CSMD3: variants seen among roughly 807,000 people sequenced by gnomAD.
The protein encoded by CSMD3 is CUB and sushi domain-containing protein 3.
In CSMD3, 177 loss-of-function variants were observed where a neutral mutation model predicts 435.2. The ratio of observed to expected loss-of-function variants is 0.41; its 90% CI spans 0.36 to 0.46. The LOEUF (loss-of-function observed/expected upper bound fraction) is 0.46. CSMD3 is among the 20% of genes least tolerant of loss of function. The pLI is 0.34. For synonymous variants in CSMD3, 1,656 were observed against 1,520.5 expected (o/e 1.09, Z -2.07); for missense variants, 4,265 against 4,504.6 (o/e 0.95, Z 1.52).
rs189646631 is a variant in CSMD3, at chr8:112,802,281, C to T, written c.1860-2007G>A. Among the ~76,000 whole-genome samples, 495 of 151,782 alleles carry T rather than the reference C, an allele frequency of 3.3e-3. 2 individuals carry two copies. The highest frequency in any genetic ancestry group is 0.014 in the Middle Eastern group (4 of 294). ...ATGAGACTTTTGCCAGTTTTTCATT[C>T]CTGGAATTTCTCTCTTGGTGGCCTT... On this transcript the variant is annotated intron_variant, in intron 12 of 70. Coordinates refer to ENST00000297405, the MANE Select transcript of CSMD3 (RefSeq NM_198123.2).
At chr8:112,939,619 C>T (rs2083389862) in intron 9 of CSMD3, among the ~76,000 whole-genome samples, 2 of 151,910 alleles carry the variant, frequency 1.3e-5, no homozygotes, top group Non-Finnish European at 1.5e-5. Flanking sequence ...GTAAAAAATA[C>T]TAATTCAATT....
At chr8:112,278,428 C>G (rs987454782) in intron 59 of CSMD3, among the ~76,000 whole-genome samples, 3 of 152,116 alleles carry the variant, frequency 2.0e-5, no homozygotes, top group African/African-American at 7.2e-5. Flanking sequence ...GTGGTCCTTC[C>G]CAAAGTGATT....
intron 6 of CSMD3, among the ~76,000 whole-genome samples, chr8:113,018,320 G>A (rs1211226232): frequency 6.6e-6 from 1 of 151,478 alleles, no homozygotes; most frequent in Non-Finnish European, 1.5e-5. Context: ...TTAAATTTTC[G>A]AAGTGCTTAG....
At chr8:112,671,058 G>A (rs564788710) in intron 16 of CSMD3, among the ~76,000 whole-genome samples, 10 of 152,248 alleles carry the variant, frequency 6.6e-5, no homozygotes, top group African/African-American at 2.4e-4. Context: ...TCACCTAAGT[G>A]TGTGAACTGG....
intron 1 of CSMD3, among the ~76,000 whole-genome samples, chr8:113,322,498 T>A (rs2093955849): frequency 6.6e-6 from 1 of 152,050 alleles, no homozygotes; most frequent in Admixed American, 6.5e-5. Context: ...GATGTTCTGT[T>A]CCATTAGTTT....
rs140771974 is a variant in CSMD3 at position 112,491,715 on chromosome 8, A to C, written c.5278+774T>G. On this transcript the variant is annotated intron_variant, in intron 31 of 70. Transcript: ENST00000297405. ...TATACTTTTTTCCTATTATTTTATT[A>C]ACTTTTAATTTAATTTTATTTGATT... is the stretch of plus-strand genomic sequence containing the variant. Among the ~76,000 whole-genome samples the C allele has an allele frequency of 9.5e-3, 1,446 of 152,248 alleles. 12 individuals carry two copies. The highest frequency in any genetic ancestry group is 0.015 in the Admixed American group (224 of 15,286).
rs117424113 is a variant in CSMD3, at chr8:113,102,227, A to T, written c.710-3264T>A. ...ATGTCTACAGCATTTTCTATCCAAC[A>T]ATTCACAGAAAGTGGGGGGTTCACA... On this transcript the variant is annotated intron_variant, in intron 4 of 70. Coordinates refer to ENST00000297405, the MANE Select transcript of CSMD3 (RefSeq NM_198123.2). Among the ~76,000 whole-genome samples, 1,512 of 152,246 alleles carry T rather than the reference A, an allele frequency of 9.9e-3. 19 individuals are homozygous for T. Among genetic ancestry groups the T allele is most frequent in the Non-Finnish European group, 0.015 (1,011 of 67,994 alleles).
At chr8:112,842,491 G>T (rs138685575) in intron 11 of CSMD3, among the ~76,000 whole-genome samples, 36 of 151,806 alleles carry the variant, frequency 2.4e-4, no homozygotes, top group Admixed American at 3.3e-4. Flanking sequence ...AGTGTTGTTG[G>T]TGGTGGTAGC....
intron 1 of CSMD3, among the ~76,000 whole-genome samples, chr8:113,405,722 A>T (rs1437998796): frequency 6.6e-6 from 1 of 151,792 alleles, no homozygotes; most frequent in African/African-American, 2.4e-5. Context: ...TGAGCAAATT[A>T]TAAGCAAAGG....
At chr8:112,897,421 G>A (rs2081978685) in intron 10 of CSMD3, among the ~76,000 whole-genome samples, 1 of 151,256 alleles carries the variant, frequency 6.6e-6, no homozygotes, top group Admixed American at 6.6e-5. Flanking sequence ...TACTCTAAGA[G>A]TGAAGGAAGT....
intron 13 of CSMD3, among the ~76,000 whole-genome samples, chr8:112,745,499 C>G (rs2077407076): frequency 6.6e-6 from 1 of 151,846 alleles, no homozygotes; most frequent in Admixed American, 6.6e-5. Context: ...GCTATGCTTT[C>G]TGTAAAATTA....
chr8:113,161,653 T>C (rs1349417847), intron 4 of CSMD3, among the ~76,000 whole-genome samples: 1 of 152,086 alleles, frequency 6.6e-6, no homozygotes, highest in African/African-American at 2.4e-5. Context: ...CGGAACAGTA[T>C]TTGCCATTAT....
At chr8:112,599,605 A>T in intron 22 of CSMD3, among the ~76,000 whole-genome samples, 1 of 144,424 alleles carries the variant, frequency 6.9e-6, no homozygotes, top group East Asian at 2.0e-4. Context: ...AATAGCAAAG[A>T]CTTGGAACCA....
intron 20 of CSMD3, 42 bp downstream of exon 20, chr8:112,645,067 A>T: frequency 3.0e-6 from 3 of 1,008,804 alleles, no homozygotes; most frequent in Non-Finnish European, 4.8e-6. Flanking sequence ...CTCAATGAAA[A>T]TTCAGAAGAT....
chr8:112,501,966 T>G (rs1822011962), intron 30 of CSMD3, among the ~76,000 whole-genome samples: 1 of 152,048 alleles, frequency 6.6e-6, no homozygotes, highest in Admixed American at 6.6e-5. Flanking sequence ...AAATACAAAA[T>G]TTGTATGAAA....
intron 35 of CSMD3, among the ~76,000 whole-genome samples, chr8:112,403,343 A>C (rs757634895): frequency 6.6e-6 from 1 of 152,210 alleles, no homozygotes; most frequent in East Asian, 1.9e-4. Context: ...TCATCTGTAC[A>C]TTCCAAAAGT....
At chr8:112,670,240 T>C (rs1418805848) in intron 16 of CSMD3, among the ~76,000 whole-genome samples, 1 of 152,138 alleles carries the variant, frequency 6.6e-6, no homozygotes, top group African/African-American at 2.4e-5. Flanking sequence ...CAACATCACA[T>C]GCAAATGCAT....
Position 112,234,430 on chromosome 8 carries a change from T to C in CSMD3, c.10675A>G (p.Ile3559Val), listed in dbSNP as rs142358685. The part of the protein sequence containing the change: ...EARLMLRIYL[I>V]KVPAHASVKK... ...ACAGAAGCATGAGCAGGTACTTTAA[T>C]AAGATATATGCGTAACATTAGGCGA... The change falls in exon 68 of 71, where the codon ATT becomes GTT. Residue 3559 changes from isoleucine to valine, a missense_variant. Physicochemically the swap from Ile to Val is conservative, Grantham distance 29. This residue lies in a region of CSMD3 where 3,255 missense variants were observed against 3,380.2 expected (regional missense o/e 0.96). Transcript: ENST00000297405. The C allele has an allele frequency of 5.0e-6, 8 of 1,613,404 alleles. No individual in the cohort carries two copies. The African/African-American group carries it at 1.1e-4, about 22-fold the overall frequency.
intron 2 of CSMD3, among the ~76,000 whole-genome samples, chr8:113,305,691 G>C (rs533491351): frequency 6.6e-6 from 1 of 152,304 alleles, no homozygotes; most frequent in Non-Finnish European, 1.5e-5. Flanking sequence ...AGTCAGATTT[G>C]AAAGAGCCTT....
Sources: allele counts gnomAD v4.1 joint callset (sites outside exome capture counted in the v4.1 genomes callset), GRCh38; gene constraint gnomAD v4.1.1; regional missense constraint gnomAD v4.1.1; transcripts MANE v1.5; gene names NCBI Gene and HGNC (gene_info 2026-07-23, HGNC 2026-07-21).